GPC5: variants seen among roughly 807,000 people sequenced by gnomAD.
The protein encoded by GPC5 is glypican-5.
A neutral mutation model predicts 53.9 loss-of-function variants in GPC5; 47 were observed. That is an observed-to-expected ratio of 0.87 (90% CI 0.69 to 1.11). The LOEUF is 1.11. GPC5 is among the 50% of genes most tolerant of loss of function. The probability of loss-of-function intolerance (pLI) is 0.00; values close to 1 mark genes in which losing one functional copy is unlikely to be tolerated. For synonymous variants in GPC5, 286 were observed against 263.3 expected (o/e 1.09, Z -0.84); for missense variants, 748 against 713.1 (o/e 1.05, Z -0.56).
rs562997439 is a variant in GPC5 at position 92,512,259 on chromosome 13, C to CGCGT, written c.1562-354020_1562-354019insTGCG. 1.4e-4 allele frequency among the ~76,000 whole-genome samples: 21 copies of CGCGT among 151,946 alleles called. No homozygotes were observed. The South Asian group carries it at 4.4e-3, about 32-fold the overall frequency. ...ATGTGTGTGTGTGTGTGCGCGCGCG[C>CGCGT]GCGCGTACGCTGTGTGCATGCACGC... On this transcript the variant is annotated intron_variant, in intron 7 of 7. Transcript: ENST00000377067.
At chr13:92,684,844 C>T (rs747276057) in intron 7 of GPC5, among the ~76,000 whole-genome samples, 9 of 152,274 alleles carry the variant, frequency 5.9e-5, no homozygotes, top group Non-Finnish European at 8.8e-5. Flanking sequence ...TATACCATTT[C>T]GCATCCCCAC....
At chr13:91,591,579 A>G (rs1294371655) in intron 2 of GPC5, among the ~76,000 whole-genome samples, 1 of 152,142 alleles carries the variant, frequency 6.6e-6, no homozygotes, top group Non-Finnish European at 1.5e-5. Flanking sequence ...CAAATATGTC[A>G]TAGATTTGGT....
chr13:91,808,912 C>T (rs1222674831), intron 5 of GPC5, among the ~76,000 whole-genome samples: 1 of 152,122 alleles, frequency 6.6e-6, no homozygotes, highest in Non-Finnish European at 1.5e-5. Context: ...AGTTTTGCAG[C>T]TCTTGCCTAA....
intron 7 of GPC5, among the ~76,000 whole-genome samples, chr13:92,645,976 T>C (rs1885754119): frequency 6.6e-6 from 1 of 152,086 alleles, no homozygotes; most frequent in Non-Finnish European, 1.5e-5. Context: ...CTGTGGATTA[T>C]CTTTTAATTT....
At chr13:91,966,182 A>G (rs1383323914) in intron 6 of GPC5, among the ~76,000 whole-genome samples, 1 of 152,336 alleles carries the variant, frequency 6.6e-6, no homozygotes. Flanking sequence ...GTCATTTAGC[A>G]GCCTGACATC....
intron 5 of GPC5, among the ~76,000 whole-genome samples, chr13:91,894,405 TC>T (rs1740401756): frequency 6.6e-6 from 1 of 152,186 alleles, no homozygotes; most frequent in South Asian, 2.1e-4. Context: ...ATGGTTGCAG[TC>T]TCTTAATTTT....
intron 5 of GPC5, among the ~76,000 whole-genome samples, chr13:91,906,017 GTTTC>G (rs533050251): frequency 1.3e-3 from 201 of 152,034 alleles, no homozygotes; most frequent in Non-Finnish European, 2.4e-3. Context: ...CAAACATGTA[GTTTC>G]TTTATCCCTC....
At chr13:92,663,765 T>TACACTATATATACAC (rs1301374354) in intron 7 of GPC5, among the ~76,000 whole-genome samples, 14 of 140,980 alleles carry the variant, frequency 9.9e-5, no homozygotes, top group East Asian at 4.1e-4. Flanking sequence ...AATATATATA[T>TACACTATATATACAC]ACACTATATA....
intron 7 of GPC5, among the ~76,000 whole-genome samples, chr13:92,306,609 T>C (rs1283544026): frequency 6.6e-6 from 1 of 152,174 alleles, no homozygotes; most frequent in African/African-American, 2.4e-5. Flanking sequence ...AAGCATGCAG[T>C]GAATGGTGGC....
intron 2 of GPC5, among the ~76,000 whole-genome samples, chr13:91,625,721 A>G (rs2033981439): frequency 1.3e-5 from 2 of 152,080 alleles, no homozygotes; most frequent in African/African-American, 4.8e-5. Context: ...CTACGTCTTT[A>G]ACCACGTTAT....
At chr13:92,722,262 T>C (rs1235935031) in intron 7 of GPC5, among the ~76,000 whole-genome samples, 1 of 152,020 alleles carries the variant, frequency 6.6e-6, no homozygotes, top group Non-Finnish European at 1.5e-5. Flanking sequence ...GAAAATACTT[T>C]GCCTTCATCG....
chr13:91,781,340 T>C (rs1042625473), intron 5 of GPC5, among the ~76,000 whole-genome samples: 6 of 152,240 alleles, frequency 3.9e-5, no homozygotes, highest in African/African-American at 1.4e-4. Context: ...CTTACGATAG[T>C]GCGTATGCTG....
In GPC5 at chr13:92,069,714, T is replaced by A. The variant is rs189196405; in HGVS notation, c.1402-75116T>A. Among the ~76,000 whole-genome samples the A allele has an allele frequency of 1.1e-4, 16 of 152,218 alleles. No homozygotes were observed. The East Asian group carries it at 2.5e-3, about 24-fold the overall frequency. ...GGCTTCATTTACAAAATGTATAAGA[T>A]CATGACTATCAAATTATTTCTTCAG... On this transcript the variant is annotated intron_variant, in intron 6 of 7. Coordinates refer to ENST00000377067, the MANE Select transcript of GPC5 (RefSeq NM_004466.6).
chr13:91,915,812 C>T (rs1203461588), intron 6 of GPC5, among the ~76,000 whole-genome samples: 1 of 151,978 alleles, frequency 6.6e-6, no homozygotes, highest in Non-Finnish European at 1.5e-5. Context: ...TGAAATTTAA[C>T]TTGTCAAGAA....
chr13:92,437,975 AACTGATTATTGATTTTAATTGCATATAT>A (rs1356904052), intron 7 of GPC5, among the ~76,000 whole-genome samples: 1 of 152,112 alleles, frequency 6.6e-6, no homozygotes, highest in Non-Finnish European at 1.5e-5. Context: ...ACATGAAGTG[AACTGATTATTGATTTTAATTGCATATAT>A]ACCATATAAT....
At chr13:91,671,890 CAG>C (rs1184112429) in intron 2 of GPC5, among the ~76,000 whole-genome samples, 1 of 141,410 alleles carries the variant, frequency 7.1e-6, no homozygotes, top group Non-Finnish European at 1.5e-5. Flanking sequence ...GGTATCAAAA[CAG>C]ACATAGAGAC....
intron 2 of GPC5, among the ~76,000 whole-genome samples, chr13:91,578,372 T>C (rs1448598864): frequency 1.3e-5 from 2 of 152,234 alleles, no homozygotes; most frequent in Non-Finnish European, 1.5e-5. Context: ...AGGTAATGTC[T>C]TATGCAGCAC....
intron 7 of GPC5, among the ~76,000 whole-genome samples, chr13:92,483,469 T>C (rs1255533152): frequency 1.3e-5 from 2 of 152,160 alleles, no homozygotes; most frequent in Non-Finnish European, 2.9e-5. Context: ...GTACACCTTA[T>C]AGGGAAATTA....
chr13:92,664,864 A>T (rs562068763), intron 7 of GPC5, among the ~76,000 whole-genome samples: 1 of 152,304 alleles, frequency 6.6e-6, no homozygotes, highest in South Asian at 2.1e-4. Flanking sequence ...TAGATATAAA[A>T]ATACTTATTA....
Sources: allele counts gnomAD v4.1 joint callset (sites outside exome capture counted in the v4.1 genomes callset), GRCh38; gene constraint gnomAD v4.1.1; transcripts MANE v1.5; gene names NCBI Gene and HGNC (gene_info 2026-07-23, HGNC 2026-07-21).